Variants in MFN1 observed in about 807,000 individuals in gnomAD.
MFN1 encodes the protein mitofusin 1, also known as mitofusin-1.
MFN1 carries 65 observed loss-of-function variants against 92.4 expected under a neutral mutation model. The ratio of observed to expected loss-of-function variants is 0.70; its 90% confidence interval spans 0.58 to 0.86. The LOEUF (loss-of-function observed/expected upper bound fraction) is 0.86, where lower values mean the gene tolerates loss of function less well. Among genes scored for constraint, MFN1 ranks in the 40% least tolerant of loss-of-function variants. MFN1 has a pLI of 0.00. For missense variants in MFN1, 781 were observed against 868.0 expected (o/e 0.90, Z 1.26); for synonymous variants, 297 against 300.9 (o/e 0.99, Z 0.13).
At chr3:179,390,956 A>G (rs953869277) in intron 17 of MFN1, among the ~76,000 whole-genome samples, 2 of 152,138 alleles carry the variant, frequency 1.3e-5, no homozygotes, top group African/African-American at 2.4e-5. Context: ...GACCAACAAC[A>G]CGTGTTCATT....
chr3:179,361,654 C>T (rs1452908048), intron 4 of MFN1, among the ~76,000 whole-genome samples: 5 of 151,850 alleles, frequency 3.3e-5, no homozygotes, highest in South Asian at 2.1e-4. Context: ...CTCCTGTCTC[C>T]GCCTCCCGAG....
rs1468367901 is a variant in MFN1 at position 179,359,066 on chromosome 3, TAAC to T, written c.411+66_411+68del. On this transcript the variant is annotated intron_variant, in intron 4 of 17. Coordinates refer to ENST00000471841, the MANE Select transcript of MFN1 (RefSeq NM_033540.3). ...ACAATGTCCTGAACTTATTCTTTAA[TAAC>T]ATTTTTATAAGATGTCTGCATCGCT... 2.8e-6 allele frequency: 4 copies of T among 1,437,580 alleles called. No individual in the cohort carries two copies. The East Asian group carries it at 9.5e-5, about 34-fold the overall frequency. The allele number at this position is 1,437,580 out of a possible 1,614,324, so 89.1% of individuals were successfully genotyped here.
chr3:179,393,045 T>G lies in MFN1; in HGVS notation c.*986T>G, dbSNP rs1322551533. 2 of 152,168 alleles carry G rather than the reference T, an allele frequency of 1.3e-5. No homozygotes were observed. The highest frequency in any genetic ancestry group is 1.9e-4 in the East Asian group (1 of 5,200). The allele number at this position is 152,168 out of a possible 1,614,324, so 9.4% of individuals were successfully genotyped here. A position where few individuals can be genotyped will look rare whatever the true frequency, so the allele number is the denominator to read the frequency against. On this transcript the variant is annotated 3_prime_UTR_variant, in exon 18 of 18. Transcript: ENST00000471841. Reference sequence around the variant, plus strand: ...ATATGTAAATTATGCCTAGTGGAGGTTCTGTTGACTTTCTTCCCCACTGTG... The same window carrying G: ...ATATGTAAATTATGCCTAGTGGAGGGTCTGTTGACTTTCTTCCCCACTGTG...
At chr3:179,389,946 A>G in intron 16 of MFN1, 58 bp from the exon 17 acceptor site, 1 of 1,459,516 alleles carries the variant, frequency 6.9e-7, no homozygotes, top group Non-Finnish European at 9.3e-7. Context: ...TGAGCTTTAA[A>G]TTAAAGCTTA....
chr3:179,377,170 T>C lies in MFN1; in HGVS notation c.1224+2T>C. The C allele has an allele frequency of 6.2e-7, 1 of 1,611,766 alleles. No individual in the cohort carries two copies. The highest frequency in any genetic ancestry group is 1.3e-5 in the African/African-American group (1 of 74,908). ...GTTACCGAGGAGGTGGCAAACAAAG[T>C]GGGTAACAGTAGCTTCATGATTAAA... On this transcript the variant is annotated splice_donor_variant, in intron 11 of 17. Transcript: ENST00000471841. LOFTEE classifies it high-confidence loss of function.
intron 3 of MFN1, 128 bp downstream of exon 3, chr3:179,352,163 C>A: frequency 1.1e-6 from 1 of 923,458 alleles, no homozygotes; most frequent in Non-Finnish European, 1.6e-6. Flanking sequence ...AATGTTAAAG[C>A]TGTTAGCATG....
chr3:179,356,908 C>T (rs79546554), intron 3 of MFN1, among the ~76,000 whole-genome samples: 2,211 of 152,218 alleles, frequency 0.015, 61 homozygotes, highest in African/African-American at 0.051. Context: ...ATCGTAGGGT[C>T]ACCAAATGAG....
chr3:179,392,209 C>T lies in MFN1; in HGVS notation c.*150C>T, dbSNP rs1713930955. On this transcript the variant is annotated 3_prime_UTR_variant, in exon 18 of 18. Coordinates refer to ENST00000471841, the MANE Select transcript of MFN1 (RefSeq NM_033540.3). ...TGTGTAGATTCTGGTAATGATCTGTCTCAGGGTATGTGTATTTTTGAAGAG... is the reference window on the plus strand; with the variant it reads ...TGTGTAGATTCTGGTAATGATCTGTTTCAGGGTATGTGTATTTTTGAAGAG... 1.9e-6 allele frequency: 1 copy of T among 530,718 alleles called. No individual in the cohort carries two copies. The highest frequency in any genetic ancestry group is 3.4e-6 in the Non-Finnish European group (1 of 295,706). 32.9% of individuals were successfully genotyped at this position (530,718 alleles called of 1,614,324 possible). A position where few individuals can be genotyped will look rare whatever the true frequency, so the allele number is the denominator to read the frequency against.
At chr3:179,389,497 A>G (rs888583193) in intron 16 of MFN1, among the ~76,000 whole-genome samples, 1 of 152,196 alleles carries the variant, frequency 6.6e-6, no homozygotes, top group African/African-American at 2.4e-5. Context: ...AAAGAATGAC[A>G]CATGCTTCAT....
chr3:179,381,816 C>G (rs1187605524), intron 14 of MFN1, among the ~76,000 whole-genome samples: 1 of 152,262 alleles, frequency 6.6e-6, no homozygotes, highest in East Asian at 1.9e-4. Flanking sequence ...GACTTGGGTC[C>G]CATCCTCAAG....
At chr3:179,349,512 CT>C (rs113885380) in intron 2 of MFN1, among the ~76,000 whole-genome samples, 222 of 143,052 alleles carry the variant, frequency 1.6e-3, no homozygotes, top group Middle Eastern at 3.5e-3. Flanking sequence ...GGGAATACTT[CT>C]TTTTTTTTTT....
chr3:179,374,418 TAAC>T (rs1233260626), intron 9 of MFN1, among the ~76,000 whole-genome samples: 6 of 136,724 alleles, frequency 4.4e-5, no homozygotes, highest in East Asian at 2.1e-4. Context: ...ATATATAAGA[TAAC>T]AAGTATTCTA....
In MFN1 at chr3:179,353,054, A is replaced by ATTT. The variant is rs1209044534; in HGVS notation, c.248+1019_248+1020insTTT. Among the ~76,000 whole-genome samples the ATTT allele has an allele frequency of 4.0e-5, 5 of 124,376 alleles. 1 individual carries two copies. Among genetic ancestry groups the ATTT allele is most frequent in the African/African-American group, 1.2e-4 (4 of 33,922 alleles). 81.6% of individuals were successfully genotyped at this position (124,376 alleles called of 152,430 possible). ...GGCGTGAGCCACCGCATCCAGCCTAAATTTTTTTTTTTTTTTTTGAGACAG... is the reference window on the plus strand; with the variant it reads ...GGCGTGAGCCACCGCATCCAGCCTAATTTATTTTTTTTTTTTTTTTTGAGACAG... On this transcript the variant is annotated intron_variant, in intron 3 of 17. Transcript: ENST00000471841.
At chr3:179,381,783 A>T (rs183665110) in intron 14 of MFN1, among the ~76,000 whole-genome samples, 3 of 152,372 alleles carry the variant, frequency 2.0e-5, no homozygotes, top group Non-Finnish European at 4.4e-5. Context: ...AGGTATATGA[A>T]GCATAAATGA....
chr3:179,361,997 T>G (rs1223775921), intron 4 of MFN1, among the ~76,000 whole-genome samples: 1 of 152,242 alleles, frequency 6.6e-6, no homozygotes, highest in Admixed American at 6.5e-5. Flanking sequence ...TAACCTGTTT[T>G]AATAATGACA....
In MFN1 at chr3:179,390,132, T is replaced by C; in HGVS notation, c.2141T>C (p.Leu714Pro). ...GAGAAAATACAAAACAATTCAAAGC[T>C]CTTAAGGTATTTAAACCTTTCTTCT... ...QLEKIQNNSK[L>P]LRNKAVQLEN... Residue 714 changes from leucine to proline, a missense_variant, in exon 17 of 18, where the codon CTC becomes CCC. Coordinates refer to ENST00000471841, the MANE Select transcript of MFN1 (RefSeq NM_033540.3). 2.5e-6 allele frequency: 4 copies of C among 1,572,958 alleles called. No homozygotes were observed. The highest frequency in any genetic ancestry group is 3.4e-6 in the Non-Finnish European group (4 of 1,166,184).
Position 179,377,405 on chromosome 3 carries a change from CAG to C in MFN1, c.1289_1290del (p.Glu430ValfsTer4). The C allele has an allele frequency of 6.2e-7, 1 of 1,608,484 alleles. No homozygotes were observed. The highest frequency in any genetic ancestry group is 1.1e-5 in the South Asian group (1 of 89,956). ...TCTGTTTTGGTTGATGAATTTTGTTCAGAGTTTCATCCTAATCCAGATGTATT... is the reference window on the plus strand; with the variant it reads ...TCTGTTTTGGTTGATGAATTTTGTTCAGTTTCATCCTAATCCAGATGTATT... On this transcript the variant is annotated frameshift_variant, in exon 12 of 18. Transcript: ENST00000471841. LOFTEE classifies it high-confidence loss of function.
intron 15 of MFN1, among the ~76,000 whole-genome samples, chr3:179,385,997 G>A (rs9816934): frequency 0.13 from 19,367 of 152,130 alleles, 4,082 homozygotes; most frequent in African/African-American, 0.44. Flanking sequence ...ATATTTGTAC[G>A]TTGAGGTAAT....
At chr3:179,355,133 C>T (rs1712299052) in intron 3 of MFN1, among the ~76,000 whole-genome samples, 1 of 152,086 alleles carries the variant, frequency 6.6e-6, no homozygotes, top group African/African-American at 2.4e-5. Context: ...TGCATCCATT[C>T]TGGATGTTGC....
Sources: allele counts gnomAD v4.1 joint callset (sites outside exome capture counted in the v4.1 genomes callset), GRCh38; gene constraint gnomAD v4.1.1; transcripts MANE v1.5; gene names NCBI Gene and HGNC (gene_info 2026-07-23, HGNC 2026-07-21).